The following TRHDE variants were observed in gnomAD, a reference collection of about 807,000 sequenced individuals.
The protein encoded by TRHDE is thyrotropin releasing hormone degrading enzyme.
In TRHDE, 72 loss-of-function variants were observed where a neutral mutation model predicts 125.7. The observed-to-expected ratio is 0.57, with a 90% CI of 0.47 to 0.70. TRHDE has a LOEUF of 0.70. TRHDE is among the 30% of genes least tolerant of loss of function. The pLI, the probability that TRHDE is intolerant of heterozygous loss-of-function variation, is 0.00. For synonymous variants in TRHDE, 509 were observed against 509.1 expected, an observed-to-expected ratio of 1.00 and a Z score of 0.00; for missense variants, 1,110 against 1,327.1, an observed-to-expected ratio of 0.84 and a Z score of 2.54.
intron 2 of TRHDE, among the ~76,000 whole-genome samples, chr12:72,191,183 T>C (rs1282648833): frequency 1.3e-5 from 2 of 152,202 alleles, no homozygotes; most frequent in African/African-American, 2.4e-5. Context: ...TTTATAGAAT[T>C]CTTAGTGGGC....
Position 72,285,803 on chromosome 12 carries a change from G to A in TRHDE, c.915-878G>A, listed in dbSNP as rs911938315. Reference sequence around the variant, plus strand: ...CAAAGTGCTGGGATTACAAGTGTGAGCCACCATGCCGGGCTGAAGAGTCCT... The same window carrying A: ...CAAAGTGCTGGGATTACAAGTGTGAACCACCATGCCGGGCTGAAGAGTCCT... On this transcript the variant is annotated intron_variant, in intron 1 of 18. Transcript: ENST00000261180. Among the ~76,000 whole-genome samples, 4 of 152,288 alleles carry A rather than the reference G, an allele frequency of 2.6e-5. No homozygotes were observed. The East Asian group carries it at 5.8e-4, about 22-fold the overall frequency.
At chr12:72,209,922 G>A (rs182530747) in intron 2 of TRHDE, among the ~76,000 whole-genome samples, 6 of 152,178 alleles carry the variant, frequency 3.9e-5, no homozygotes, top group East Asian at 1.9e-4. Flanking sequence ...TCATTGAATT[G>A]TTGGTTAAGA....
intron 2 of TRHDE, among the ~76,000 whole-genome samples, chr12:72,234,072 C>T (rs4463887): frequency 0.76 from 116,224 of 152,168 alleles, 44,683 homozygotes; most frequent in African/African-American, 0.8. Flanking sequence ...ATCTGCTGTA[C>T]ACCTATGAAA....
chr12:72,417,446 A>C (rs1271113048), intron 3 of TRHDE, among the ~76,000 whole-genome samples: 2 of 152,072 alleles, frequency 1.3e-5, no homozygotes, highest in Non-Finnish European at 2.9e-5. Context: ...AGTCTGGGAC[A>C]AGCCACAGCA....
intron 2 of TRHDE, among the ~76,000 whole-genome samples, chr12:72,242,092 T>C (rs1335566428): frequency 6.6e-6 from 1 of 152,226 alleles, no homozygotes; most frequent in African/African-American, 2.4e-5. Context: ...AATCTACACA[T>C]TATTTCATCA....
chr12:72,103,571 T>G (rs1180313855), intron 1 of TRHDE, among the ~76,000 whole-genome samples: 1 of 152,128 alleles, frequency 6.6e-6, no homozygotes, highest in African/African-American at 2.4e-5. Flanking sequence ...CTTAGAGTCA[T>G]GAGGAATAGA....
At chr12:72,256,592 C>T (rs1878820461) in intron 2 of TRHDE, 1 of 152,110 alleles carries the variant, frequency 6.6e-6, no homozygotes, top group Non-Finnish European at 1.5e-5. Flanking sequence ...AAGAACAGTG[C>T]CTTGCACACG....
intron 2 of TRHDE, among the ~76,000 whole-genome samples, chr12:72,319,916 A>T (rs1416155595): frequency 6.6e-6 from 1 of 152,014 alleles, no homozygotes; most frequent in Non-Finnish European, 1.5e-5. Flanking sequence ...CTTTGTACTG[A>T]CTGCTAGGAA....
Position 72,519,189 on chromosome 12 carries a change from G to A in TRHDE, c.1722+19554G>A, listed in dbSNP as rs530382084. On this transcript the variant is annotated intron_variant, in intron 6 of 18. Coordinates refer to ENST00000261180, the MANE Select transcript of TRHDE (RefSeq NM_013381.3). Reference sequence around the variant, plus strand: ...CTGTATTTCCTGAATCTGAATGTTGGCCTGCCTTGCTAGGTTGGGGAAGTT... The same window carrying A: ...CTGTATTTCCTGAATCTGAATGTTGACCTGCCTTGCTAGGTTGGGGAAGTT... Among the ~76,000 whole-genome samples, 11 of 152,160 alleles carry A rather than the reference G, an allele frequency of 7.2e-5. No homozygotes were observed. The East Asian group carries it at 1.9e-3, about 27-fold the overall frequency.
intron 2 of TRHDE, among the ~76,000 whole-genome samples, chr12:72,347,560 CT>C (rs1450314358): frequency 6.6e-6 from 1 of 152,006 alleles, no homozygotes; most frequent in Non-Finnish European, 1.5e-5. Flanking sequence ...CTGCAGTCAT[CT>C]CGGTTCACCA....
At chr12:72,377,876 C>T (rs1424179308) in intron 2 of TRHDE, 119 bp from the exon 3 acceptor site, 12 of 690,898 alleles carry the variant, frequency 1.7e-5, no homozygotes, top group South Asian at 1.2e-4. Context: ...AGTGTATGAA[C>T]GAGAATCCTG....
chr12:72,636,012 T>G (rs994113946), intron 15 of TRHDE, among the ~76,000 whole-genome samples: 783 of 130,514 alleles, frequency 6.0e-3, no homozygotes, highest in African/African-American at 0.018. Context: ...ATATGAACTT[T>G]AAAGTAGTTT....
chr12:72,470,048 G>A, intron 4 of TRHDE, 136 bp downstream of exon 4: 1 of 806,952 alleles, frequency 1.2e-6, no homozygotes, highest in Non-Finnish European at 1.9e-6. Context: ...AGTTCTTTCT[G>A]GAAGATATGT....
chr12:72,343,861 G>A (rs968082830), intron 2 of TRHDE, among the ~76,000 whole-genome samples: 1 of 152,022 alleles, frequency 6.6e-6, no homozygotes, highest in Non-Finnish European at 1.5e-5. Context: ...GCTGGTTGGT[G>A]TCCTGAAATA....
chr12:72,622,131 G>A (rs1735690339), intron 15 of TRHDE, among the ~76,000 whole-genome samples: 1 of 151,950 alleles, frequency 6.6e-6, no homozygotes, highest in African/African-American at 2.4e-5. Flanking sequence ...ACCAGCATAT[G>A]TCATAAACAA....
intron 6 of TRHDE, among the ~76,000 whole-genome samples, chr12:72,515,110 G>C: frequency 7.7e-6 from 1 of 130,072 alleles, no homozygotes; most frequent in Admixed American, 7.9e-5. Context: ...GTGTGCATGT[G>C]TCTTTATAGC....
At chr12:72,210,336 C>T (rs1049716593) in intron 2 of TRHDE, among the ~76,000 whole-genome samples, 9 of 152,048 alleles carry the variant, frequency 5.9e-5, no homozygotes, top group African/African-American at 2.2e-4. Context: ...TGATGATGAT[C>T]GCCATTGTTT....
At chr12:72,341,024 G>A (rs151007005) in intron 2 of TRHDE, among the ~76,000 whole-genome samples, 17 of 151,916 alleles carry the variant, frequency 1.1e-4, no homozygotes, top group African/African-American at 3.6e-4. Flanking sequence ...TGGTATATGA[G>A]CTGAGTGACC....
chr12:72,222,014 T>G (rs973460549), intron 2 of TRHDE, among the ~76,000 whole-genome samples: 5 of 152,078 alleles, frequency 3.3e-5, no homozygotes, highest in Non-Finnish European at 7.4e-5. Flanking sequence ...TGCCTCACAA[T>G]GTGGAAGCTT....
Sources: allele counts gnomAD v4.1 joint callset (sites outside exome capture counted in the v4.1 genomes callset), GRCh38; gene constraint gnomAD v4.1.1; transcripts MANE v1.5; gene names NCBI Gene and HGNC (gene_info 2026-07-23, HGNC 2026-07-21).